The following LARGE1 variants were observed in gnomAD, a reference collection of about 807,000 sequenced individuals.
LARGE1 encodes LARGE xylosyl- and glucuronyltransferase 1.
Under a neutral mutation model 87.6 loss-of-function variants are expected in LARGE1, and 43 were observed. The observed-to-expected ratio is 0.49, with a 90% CI of 0.38 to 0.63. The LOEUF (loss-of-function observed/expected upper bound fraction) is 0.63, where lower values mean the gene tolerates loss of function less well. Ranked by LOEUF, LARGE1 falls within the 30% of genes least tolerant of loss-of-function variation. LARGE1 has a pLI of 0.00. For synonymous variants in LARGE1, 434 were observed against 394.6 expected (o/e 1.10, Z -1.18); for missense variants, 802 against 1,000.2 (o/e 0.80, Z 2.67).
the LARGE1 span, among the ~76,000 whole-genome samples, chr22:33,123,231 A>G: frequency 6.6e-6 from 1 of 152,152 alleles, no homozygotes; most frequent in Non-Finnish European, 1.5e-5. Context: ...GCCTGCACAT[A>G]AGGAACTTCT....
chr22:33,829,852 G>A (rs1009455387), intron 1 of LARGE1, among the ~76,000 whole-genome samples: 2 of 152,112 alleles, frequency 1.3e-5, no homozygotes, highest in African/African-American at 4.8e-5. Context: ...AGCCCGGGTT[G>A]GAGTTAACCC....
chr22:33,289,030 C>A (rs1261784254), intron 12 of LARGE1, among the ~76,000 whole-genome samples: 1 of 152,060 alleles, frequency 6.6e-6, no homozygotes, highest in Non-Finnish European at 1.5e-5. Flanking sequence ...GCGATCTCGG[C>A]TCACTGCAAG....
intron 14 of LARGE1, 72 bp downstream of exon 14, chr22:33,276,988 G>T: frequency 7.0e-7 from 1 of 1,422,518 alleles, no homozygotes; most frequent in Non-Finnish European, 9.9e-7. Context: ...TTGTCTCCAA[G>T]GATCCCTTAA....
rs112971477 is a variant in LARGE1 at position 33,187,597 on chromosome 22, T to A, written c.1731-20765A>T. On this transcript the variant is annotated intron_variant, in intron 11 of 11. Coordinates refer to the LARGE1 transcript ENST00000608642. ...CATTGTACAACATGGTGACTATAAT[T>A]AATAATGATGCACTGTAGTCTTAAG... Among the ~76,000 whole-genome samples the A allele has an allele frequency of 7.6e-3, 1,157 of 152,076 alleles. 5 individuals carry two copies. Among genetic ancestry groups the A allele is most frequent in the Admixed American group, 0.012 (181 of 15,272 alleles).
chr22:33,657,847 T>C (rs1337704105), intron 2 of LARGE1, among the ~76,000 whole-genome samples: 1 of 152,164 alleles, frequency 6.6e-6, no homozygotes, highest in Non-Finnish European at 1.5e-5. Flanking sequence ...CCTGAGTACA[T>C]GTCCTTGGGT....
rs991215611 is a variant in LARGE1 at position 33,474,200 on chromosome 22, G to A, written c.788-41935C>T. Among the ~76,000 whole-genome samples the A allele has an allele frequency of 3.3e-5, 5 of 151,962 alleles. 1 individual carries two copies. Among genetic ancestry groups the A allele is most frequent in the Middle Eastern group, 6.8e-3 (2 of 294 alleles). ...TTTTTTGAGATGGAGTTTCACTCTC[G>A]TTGCCTAGGCTGAAGTGCAATGGTG... On this transcript the variant is annotated intron_variant, in intron 6 of 14. Coordinates refer to ENST00000397394, the MANE Select transcript of LARGE1 (RefSeq NM_133642.5).
intron 9 of LARGE1, among the ~76,000 whole-genome samples, chr22:33,358,736 C>T (rs2064271317): frequency 6.6e-6 from 1 of 152,024 alleles, no homozygotes; most frequent in South Asian, 2.1e-4. Context: ...CAGTGGCTCA[C>T]AGCACTTTGG....
intron 2 of LARGE1, among the ~76,000 whole-genome samples, chr22:33,719,753 C>T (rs1166437924): frequency 6.6e-6 from 1 of 152,094 alleles, no homozygotes; most frequent in Non-Finnish European, 1.5e-5. Flanking sequence ...ATTTCCTGAC[C>T]TCATAATCTG....
chr22:33,773,156 C>T (rs2085125394), intron 1 of LARGE1, among the ~76,000 whole-genome samples: 1 of 152,290 alleles, frequency 6.6e-6, no homozygotes, highest in Admixed American at 6.5e-5. Context: ...CTGGTGCCTC[C>T]CTCCGGGTCT....
At chr22:33,260,159 C>T (rs1390760668) in intron 11 of LARGE1, among the ~76,000 whole-genome samples, 3 of 152,166 alleles carry the variant, frequency 2.0e-5, no homozygotes, top group East Asian at 3.8e-4. Flanking sequence ...ACTGAAACCC[C>T]GCAAAGCCTC....
At chr22:33,557,464 T>A (rs1477733226) in intron 6 of LARGE1, among the ~76,000 whole-genome samples, 1 of 152,076 alleles carries the variant, frequency 6.6e-6, no homozygotes, top group Admixed American at 6.6e-5. Context: ...ATTTTCCAAG[T>A]GGAAAATCAA....
intron 3 of LARGE1, among the ~76,000 whole-genome samples, chr22:33,632,210 T>C (rs240599): frequency 0.64 from 97,681 of 152,034 alleles, 31,957 homozygotes; most frequent in African/African-American, 0.75. Context: ...CCAACCTCCG[T>C]GTCCCAGGTT....
intron 6 of LARGE1, among the ~76,000 whole-genome samples, chr22:33,533,837 A>G (rs190408459): frequency 6.6e-6 from 1 of 150,540 alleles, no homozygotes; most frequent in Admixed American, 6.6e-5. Context: ...GATCTTGTTC[A>G]TATTTGATGG....
intron 1 of LARGE1, among the ~76,000 whole-genome samples, chr22:33,841,423 C>T (rs2267301): frequency 0.22 from 33,821 of 152,026 alleles, 3,911 homozygotes; most frequent in Admixed American, 0.35. Flanking sequence ...ATGGCCTGGT[C>T]CCTCTCCACC....
chr22:33,681,062 T>A (rs540596315), intron 2 of LARGE1, among the ~76,000 whole-genome samples: 9 of 152,326 alleles, frequency 5.9e-5, no homozygotes, highest in Admixed American at 1.3e-4. Flanking sequence ...GTGTTTTAAT[T>A]GCACTCAATT....
intron 6 of LARGE1, among the ~76,000 whole-genome samples, chr22:33,525,046 C>A (rs1226714334): frequency 2.0e-5 from 3 of 152,116 alleles, no homozygotes; most frequent in Non-Finnish European, 4.4e-5. Flanking sequence ...AATGTTTAAT[C>A]TTTTGTTTAG....
At chr22:33,614,386 C>G (rs1171457047) in intron 4 of LARGE1, among the ~76,000 whole-genome samples, 1 of 152,188 alleles carries the variant, frequency 6.6e-6, no homozygotes, top group East Asian at 1.9e-4. Flanking sequence ...CTAACTCACT[C>G]TGATATATCC....
At chr22:33,712,258 A>G (rs2082753785) in intron 2 of LARGE1, among the ~76,000 whole-genome samples, 2 of 152,184 alleles carry the variant, frequency 1.3e-5, no homozygotes, top group Non-Finnish European at 2.9e-5. Context: ...GGGAAGCTGG[A>G]GCCTGGATTG....
At chr22:33,806,786 C>A (rs1423256132) in intron 1 of LARGE1, among the ~76,000 whole-genome samples, 1 of 152,026 alleles carries the variant, frequency 6.6e-6, no homozygotes, top group Non-Finnish European at 1.5e-5. Context: ...CCGAGGCAGG[C>A]GGATCACGAG....
Sources: allele counts gnomAD v4.1 joint callset (sites outside exome capture counted in the v4.1 genomes callset), GRCh38; gene constraint gnomAD v4.1.1; transcripts MANE v1.5; gene names NCBI Gene and HGNC (gene_info 2026-07-23, HGNC 2026-07-21).